ERBB4: variants seen among roughly 807,000 people sequenced by gnomAD.
ERBB4 encodes the protein receptor tyrosine-protein kinase erbB-4.
In ERBB4, 42 loss-of-function variants were observed where a neutral mutation model predicts 158.0. That is an observed-to-expected ratio of 0.27 (90% CI 0.21 to 0.34). The LOEUF is 0.34. Ranked by LOEUF, ERBB4 falls within the 10% of genes least tolerant of loss-of-function variation. ERBB4 has a pLI of 1.00. For synonymous variants in ERBB4, 583 were observed against 558.7 expected (o/e 1.04, Z -0.61); for missense variants, 1,333 against 1,624.1 (o/e 0.82, Z 3.08).
chr2:211,599,867 A>T (rs558584056), intron 19 of ERBB4, among the ~76,000 whole-genome samples: 162 of 152,288 alleles, frequency 1.1e-3, no homozygotes, highest in African/African-American at 3.8e-3. Context: ...TTTAACTGCA[A>T]TCTAGTGGGT....
At chr2:211,680,708 G>T (rs573784568) in intron 12 of ERBB4, among the ~76,000 whole-genome samples, 2 of 152,102 alleles carry the variant, frequency 1.3e-5, no homozygotes, top group South Asian at 4.2e-4. Context: ...TATATCCTGG[G>T]GTTATTAAAA....
chr2:211,772,955 A>ATATATATATATATATT (rs1553630145), intron 4 of ERBB4, among the ~76,000 whole-genome samples: 3 of 83,300 alleles, frequency 3.6e-5, no homozygotes, highest in East Asian at 4.1e-4. Context: ...ATATATATAT[A>ATATATATATATATATT]TTTTTTTTTT....
intron 20 of ERBB4, among the ~76,000 whole-genome samples, chr2:211,546,743 C>G (rs1052996896): frequency 6.6e-6 from 1 of 152,098 alleles, no homozygotes; most frequent in Non-Finnish European, 1.5e-5. Context: ...ATTTTTTGTA[C>G]AAATCCATAG....
intron 1 of ERBB4, among the ~76,000 whole-genome samples, chr2:212,447,807 T>C (rs1446558060): frequency 6.6e-6 from 1 of 151,682 alleles, no homozygotes; most frequent in Non-Finnish European, 1.5e-5. Context: ...TGTGTGTGTG[T>C]ATTCAACATG....
intron 1 of ERBB4, among the ~76,000 whole-genome samples, chr2:212,400,720 ATCCACT>A (rs924318257): frequency 7.2e-5 from 11 of 152,138 alleles, no homozygotes; most frequent in Admixed American, 2.6e-4. Flanking sequence ...AATTTTATAA[ATCCACT>A]TTTTCTGATT....
At chr2:211,869,140 C>T (rs577144842) in intron 3 of ERBB4, among the ~76,000 whole-genome samples, 27 of 152,270 alleles carry the variant, frequency 1.8e-4, no homozygotes, top group African/African-American at 6.5e-4. Flanking sequence ...CCAGTCACAC[C>T]GAATGGCTTC....
intron 1 of ERBB4, among the ~76,000 whole-genome samples, chr2:212,136,171 T>C (rs2125594551): frequency 6.6e-6 from 1 of 152,298 alleles, no homozygotes; most frequent in South Asian, 2.1e-4. Context: ...CAAGAAGGAA[T>C]TAGACTAGAT....
intron 3 of ERBB4, among the ~76,000 whole-genome samples, chr2:211,842,539 A>G (rs932826907): frequency 6.6e-6 from 1 of 151,710 alleles, no homozygotes; most frequent in Non-Finnish European, 1.5e-5. Flanking sequence ...CATAATGTGT[A>G]CAACATAGAA....
intron 5 of ERBB4, among the ~76,000 whole-genome samples, chr2:211,742,174 G>C (rs1335296206): frequency 1.3e-5 from 2 of 152,194 alleles, no homozygotes; most frequent in Non-Finnish European, 2.9e-5. Flanking sequence ...CTCTTTCCCT[G>C]TTCCCCATTA....
chr2:212,348,754 C>CA (rs1364956164), intron 1 of ERBB4, among the ~76,000 whole-genome samples: 1 of 152,108 alleles, frequency 6.6e-6, no homozygotes, highest in Non-Finnish European at 1.5e-5. Flanking sequence ...TCTGCCATTT[C>CA]AATCACACAA....
intron 20 of ERBB4, among the ~76,000 whole-genome samples, chr2:211,468,423 C>T (rs559128184): frequency 2.0e-5 from 3 of 152,092 alleles, no homozygotes; most frequent in Non-Finnish European, 2.9e-5. Flanking sequence ...TTGACTGTCA[C>T]GTGTGACACA....
At chr2:212,384,937 TCACACACACAAA>T (rs1413974913) in intron 1 of ERBB4, among the ~76,000 whole-genome samples, 1 of 117,330 alleles carries the variant, frequency 8.5e-6, no homozygotes, top group Non-Finnish European at 1.8e-5. Flanking sequence ...ACACACACAC[TCACACACACAAA>T]CACACACACA....
chr2:212,362,043 G>T (rs1202421078), intron 1 of ERBB4, among the ~76,000 whole-genome samples: 2 of 151,460 alleles, frequency 1.3e-5, no homozygotes, highest in Admixed American at 6.6e-5. Context: ...TTTTACTGAG[G>T]TTAGGTTATA....
intron 1 of ERBB4, among the ~76,000 whole-genome samples, chr2:212,300,474 G>T (rs1036326329): frequency 6.6e-6 from 1 of 151,530 alleles, no homozygotes; most frequent in Non-Finnish European, 1.5e-5. Context: ...TTTAAGTAGA[G>T]TAGTACGTCT....
chr2:211,895,693 G>T (rs2079080298), intron 3 of ERBB4, among the ~76,000 whole-genome samples: 1 of 152,066 alleles, frequency 6.6e-6, no homozygotes, highest in South Asian at 2.1e-4. Flanking sequence ...ATTTTTCTCT[G>T]TTTCTCTGCT....
chr2:212,462,020 C>A (rs982173935), intron 1 of ERBB4, among the ~76,000 whole-genome samples: 2 of 152,090 alleles, frequency 1.3e-5, no homozygotes, highest in African/African-American at 4.8e-5. Flanking sequence ...CTTTCTTTTT[C>A]AAATTGCCCA....
At chr2:212,085,654 A>G (rs1417028005) in intron 2 of ERBB4, among the ~76,000 whole-genome samples, 1 of 151,872 alleles carries the variant, frequency 6.6e-6, no homozygotes, top group African/African-American at 2.4e-5. Context: ...ATAAAACTGG[A>G]AACTTTGAGA....
At chr2:212,447,087 C>T (rs562940479) in intron 1 of ERBB4, among the ~76,000 whole-genome samples, 60 of 151,748 alleles carry the variant, frequency 4.0e-4, no homozygotes, top group African/African-American at 1.4e-3. Flanking sequence ...AGCTCCGCCT[C>T]CTAGGTTCAC....
Position 211,772,955 on chromosome 2 carries a change from A to ATTT in ERBB4, c.556+15067_556+15069dup, listed in dbSNP as rs1328976588. On this transcript the variant is annotated intron_variant, in intron 4 of 27. Coordinates refer to ENST00000342788, the MANE Select transcript of ERBB4 (RefSeq NM_005235.3). ...TATATATATATATATATATATATAT[A>ATTT]TTTTTTTTTTTAAAGATGGGGTCCT... 3.2e-3 allele frequency among the ~76,000 whole-genome samples: 263 copies of ATTT among 83,292 alleles called. 27 individuals carry two copies. The highest frequency in any genetic ancestry group is 0.013 in the Middle Eastern group (2 of 152). The allele number at this position is 83,292 out of a possible 152,430, so 54.6% of individuals were successfully genotyped here. A position where few individuals can be genotyped will look rare whatever the true frequency, so the allele number is the denominator to read the frequency against.
Sources: gnomAD v4.1 joint callset for allele counts (sites outside exome capture counted in the v4.1 genomes callset) on GRCh38, gnomAD v4.1.1 for gene constraint, MANE v1.5 for transcripts, NCBI Gene and HGNC (gene_info 2026-07-23, HGNC 2026-07-21) for gene names.